MYLK: variants seen among roughly 807,000 people sequenced by gnomAD.
MYLK encodes myosin light chain kinase.
MYLK carries 106 observed loss-of-function variants against 203.4 expected under a neutral mutation model. That is an observed-to-expected ratio of 0.52 (90% CI 0.45 to 0.61). The LOEUF (loss-of-function observed/expected upper bound fraction) is 0.61, where lower values mean the gene tolerates loss of function less well. MYLK is among the 20% of genes least tolerant of loss of function. The probability of loss-of-function intolerance (pLI) is 0.00; values close to 1 mark genes in which losing one functional copy is unlikely to be tolerated. For missense variants in MYLK, 2,072 were observed against 2,442.3 expected (o/e 0.85, Z 3.20); for synonymous variants, 867 against 959.5 (o/e 0.90, Z 1.78).
Position 123,875,671 on chromosome 3 carries a change from A to C in MYLK, c.-127+888T>G, listed in dbSNP as rs573025081. 5.8e-4 allele frequency among the ~76,000 whole-genome samples: 88 copies of C among 152,302 alleles called. 2 individuals are homozygous for C. Among genetic ancestry groups the C allele is most frequent in the South Asian group, 1.9e-3 (9 of 4,826 alleles). On this transcript the variant is annotated intron_variant, in intron 2 of 33. Transcript: ENST00000360304. Reference sequence around the variant, plus strand: ...ATATAAATTATATCTACTTTTTTACATGAGAAAGAAAAAGAGTCTTCAAAA... The same window carrying C: ...ATATAAATTATATCTACTTTTTTACCTGAGAAAGAAAAAGAGTCTTCAAAA...
intron 3 of MYLK, among the ~76,000 whole-genome samples, chr3:123,805,410 G>C (rs2065334284): frequency 6.6e-6 from 1 of 152,174 alleles, no homozygotes; most frequent in African/African-American, 2.4e-5. Context: ...AGTGAGGAGG[G>C]AGCCGAGACT....
In MYLK at chr3:123,709,713, C is replaced by G. The variant is rs372991535; in HGVS notation, c.1942+43G>C. ...AGAGCAATACCCATTGCAACCAAGACCATTTTCATGTTAATCCCCAAGAGA... is the reference window on the plus strand; with the variant it reads ...AGAGCAATACCCATTGCAACCAAGAGCATTTTCATGTTAATCCCCAAGAGA... On this transcript the variant is annotated intron_variant, in intron 14 of 33. Coordinates refer to ENST00000360304, the MANE Select transcript of MYLK (RefSeq NM_053025.4). The G allele has an allele frequency of 5.8e-5, 94 of 1,611,800 alleles. No homozygotes were observed. In the African/African-American group the frequency reaches 1.2e-3, roughly 21 times the overall value.
In MYLK at chr3:123,778,978, G is replaced by A. The variant is rs139172854; in HGVS notation, c.165+14699C>T. ...TTCAAACCCCAAATAGCTATGTCCT[G>A]GCAGCTAAAAATGAAGAGTGGGGGT... On this transcript the variant is annotated intron_variant, in intron 4 of 33. Coordinates refer to ENST00000360304, the MANE Select transcript of MYLK (RefSeq NM_053025.4). Among the ~76,000 whole-genome samples, 398 of 152,308 alleles carry A rather than the reference G, an allele frequency of 2.6e-3. 6 individuals are homozygous for A. The highest frequency in any genetic ancestry group is 0.02 in the Middle Eastern group (6 of 294).
chr3:123,766,420 T>C (rs952760269), intron 4 of MYLK, among the ~76,000 whole-genome samples: 1 of 152,196 alleles, frequency 6.6e-6, no homozygotes, highest in African/African-American at 2.4e-5. Flanking sequence ...CTGAGGACCA[T>C]GGGAGCACGG....
At chr3:123,677,705 T>G (rs2060114641) in intron 20 of MYLK, among the ~76,000 whole-genome samples, 1 of 151,808 alleles carries the variant, frequency 6.6e-6, no homozygotes, top group African/African-American at 2.4e-5. Context: ...ATGTAGACTA[T>G]GAATCAATTA....
At chr3:123,696,341 C>T (rs1454273740) in intron 18 of MYLK, among the ~76,000 whole-genome samples, 1 of 152,106 alleles carries the variant, frequency 6.6e-6, no homozygotes, top group Admixed American at 6.5e-5. Context: ...GGAAGTGAAT[C>T]TTGTTTGTAG....
At chr3:123,731,192 CA>C (rs1267997481) in intron 11 of MYLK, among the ~76,000 whole-genome samples, 1 of 152,162 alleles carries the variant, frequency 6.6e-6, no homozygotes, top group African/African-American at 2.4e-5. Context: ...CCAGCACTCC[CA>C]CCTGCAAATG....
At chr3:123,718,023 G>A (rs1274106289) in intron 13 of MYLK, among the ~76,000 whole-genome samples, 3 of 151,958 alleles carry the variant, frequency 2.0e-5, no homozygotes, top group South Asian at 2.1e-4. Context: ...CACCACTCCC[G>A]GCTAATTTTT....
At chr3:123,779,485 A>G (rs2109023769) in intron 4 of MYLK, among the ~76,000 whole-genome samples, 1 of 151,726 alleles carries the variant, frequency 6.6e-6, no homozygotes, top group Non-Finnish European at 1.5e-5. Context: ...AGTTCTTCAC[A>G]CTCCACAGAC....
At chr3:123,638,426 G>A (rs1216167436) in intron 28 of MYLK, among the ~76,000 whole-genome samples, 2 of 152,134 alleles carry the variant, frequency 1.3e-5, no homozygotes, top group Admixed American at 6.6e-5. Flanking sequence ...GGGTGGGCAG[G>A]GGGAGAAGAG....
At chr3:123,814,728 A>G (rs1210722464) in intron 3 of MYLK, among the ~76,000 whole-genome samples, 1 of 152,174 alleles carries the variant, frequency 6.6e-6, no homozygotes, top group Non-Finnish European at 1.5e-5. Flanking sequence ...GTTATTTACT[A>G]TTTAGGTTGC....
At chr3:123,739,328 G>A (rs550954627) in intron 6 of MYLK, among the ~76,000 whole-genome samples, 14 of 152,192 alleles carry the variant, frequency 9.2e-5, no homozygotes, top group Non-Finnish European at 5.9e-5. Flanking sequence ...CTGAGCCCTG[G>A]CTGAAAGCCT....
At chr3:123,869,818 A>G (rs2032625264) in intron 2 of MYLK, among the ~76,000 whole-genome samples, 1 of 152,194 alleles carries the variant, frequency 6.6e-6, no homozygotes, top group Non-Finnish European at 1.5e-5. Context: ...TAAGTTCTTG[A>G]GCTGGGATTG....
At chr3:123,843,213 C>A (rs1341563989) in intron 2 of MYLK, among the ~76,000 whole-genome samples, 1 of 152,088 alleles carries the variant, frequency 6.6e-6, no homozygotes. Context: ...ATGCCGAAGA[C>A]CAGATGTCAA....
At position 123,708,720 on chromosome 3, in the gene MYLK, G is replaced by C. The variant is rs1327148598; in HGVS notation, c.2118C>G (p.Thr706=). 11 of 1,614,100 alleles carry C rather than the reference G, an allele frequency of 6.8e-6. No individual in the cohort carries two copies. The highest frequency in any genetic ancestry group is 9.3e-6 in the Non-Finnish European group (11 of 1,180,024). ...EAWNSAGEVR[T]QAVLTVQEPH... is the part of the protein sequence containing the mutation. Reference sequence around the variant, plus strand: ...CACCTTGTACCGTGAGCACGGCCTGGGTGCGGACCTCTCCAGCGCTGTTCC... The same window carrying C: ...CACCTTGTACCGTGAGCACGGCCTGCGTGCGGACCTCTCCAGCGCTGTTCC... The change falls in exon 15 of 34, where the codon ACC becomes ACG. Residue 706 remains threonine, a synonymous_variant. Transcript: ENST00000360304.
At chr3:123,841,496 CTGA>C (rs2066590693) in intron 2 of MYLK, among the ~76,000 whole-genome samples, 1 of 152,140 alleles carries the variant, frequency 6.6e-6, no homozygotes, top group Non-Finnish European at 1.5e-5. Flanking sequence ...TCTAAAGAAG[CTGA>C]TAAGTGATAG....
intron 20 of MYLK, among the ~76,000 whole-genome samples, chr3:123,669,232 C>A (rs1329095645): frequency 6.6e-6 from 1 of 152,184 alleles, no homozygotes; most frequent in Non-Finnish European, 1.5e-5. Flanking sequence ...CCACCAGGTT[C>A]CCTCTGGCTC....
At position 123,640,137 on chromosome 3, in the gene MYLK, G is replaced by T; in HGVS notation, c.4837+150C>A. Reference sequence around the variant, plus strand: ...AATTTGAGGCTTACTGTCACGTCTAGTATGTGGTAGGGGCAGGATTCAAAC... The same window carrying T: ...AATTTGAGGCTTACTGTCACGTCTATTATGTGGTAGGGGCAGGATTCAAAC... On this transcript the variant is annotated intron_variant, in intron 28 of 33. Transcript: ENST00000360304. This position sits in a 1 kb window ranked among gnomAD's most constrained non-coding sequence, Gnocchi z 4.3. 5.5e-6 allele frequency: 4 copies of T among 730,806 alleles called. No homozygotes were observed. Among genetic ancestry groups the T allele is most frequent in the South Asian group, 1.5e-5 (1 of 66,078 alleles). 45.3% of individuals were successfully genotyped at this position (730,806 alleles called of 1,614,324 possible). A position where few individuals can be genotyped will look rare whatever the true frequency, so the allele number is the denominator to read the frequency against.
At chr3:123,687,649 C>T (rs2060508399) in intron 19 of MYLK, among the ~76,000 whole-genome samples, 1 of 150,376 alleles carries the variant, frequency 6.6e-6, no homozygotes, top group South Asian at 2.1e-4. Flanking sequence ...TCCCTCCTTC[C>T]TTCCTTCCCT....
Sources: allele counts gnomAD v4.1 joint callset (sites outside exome capture counted in the v4.1 genomes callset), GRCh38; gene constraint gnomAD v4.1.1; non-coding constraint Gnocchi (gnomAD v3.1); transcripts MANE v1.5; gene names NCBI Gene and HGNC (gene_info 2026-07-23, HGNC 2026-07-21).